The following SAMD12 variants were observed in gnomAD, a reference collection of about 807,000 sequenced individuals.
SAMD12 encodes sterile alpha motif domain-containing protein 12.
SAMD12 carries 9 observed loss-of-function variants against 15.0 expected under a neutral mutation model. The observed-to-expected ratio is 0.60, with a 90% CI of 0.36 to 1.05. SAMD12 has a LOEUF of 1.05. Among genes scored for constraint, SAMD12 ranks in the 50% least tolerant of loss-of-function variants. The probability of loss-of-function intolerance (pLI) is 0.01; values close to 1 mark genes in which losing one functional copy is unlikely to be tolerated. For missense variants in SAMD12, 230 were observed against 234.2 expected (o/e 0.98, Z 0.12); for synonymous variants, 86 against 90.1 (o/e 0.96, Z 0.25).
chr8:118,346,333 T>C (rs1817650292), intron 4 of SAMD12, among the ~76,000 whole-genome samples: 1 of 152,216 alleles, frequency 6.6e-6, no homozygotes, highest in Admixed American at 6.5e-5. Flanking sequence ...TCCAGGCTTA[T>C]CCTTCCCAAC....
At chr8:118,591,784 T>C (rs1410043231) in intron 1 of SAMD12, among the ~76,000 whole-genome samples, 1 of 152,094 alleles carries the variant, frequency 6.6e-6, no homozygotes, top group Non-Finnish European at 1.5e-5. Flanking sequence ...CCTCATAACA[T>C]AGTTTCCACT....
At chr8:118,572,418 A>G (rs540115066) in intron 2 of SAMD12, among the ~76,000 whole-genome samples, 1 of 152,248 alleles carries the variant, frequency 6.6e-6, no homozygotes, top group East Asian at 1.9e-4. Flanking sequence ...AAATGTGAGG[A>G]CATGAGATTT....
intron 4 of SAMD12, among the ~76,000 whole-genome samples, chr8:118,246,430 A>C (rs940462188): frequency 6.6e-6 from 1 of 152,184 alleles, no homozygotes. Context: ...GAACTGTGGA[A>C]ATCATTTTGA....
At chr8:118,512,976 G>T (rs1304608479) in intron 2 of SAMD12, among the ~76,000 whole-genome samples, 2 of 151,710 alleles carry the variant, frequency 1.3e-5, no homozygotes, top group Non-Finnish European at 2.9e-5. Context: ...GCCATACAAA[G>T]GTAAGTTACT....
chr8:118,234,710 C>CAAAAA (rs10647591), intron 4 of SAMD12, among the ~76,000 whole-genome samples: 15 of 105,576 alleles, frequency 1.4e-4, no homozygotes, highest in South Asian at 3.5e-4. Context: ...GACTCCATCT[C>CAAAAA]AAAAAAAAAA....
At chr8:118,330,683 G>A (rs1816767450) in intron 4 of SAMD12, among the ~76,000 whole-genome samples, 1 of 152,160 alleles carries the variant, frequency 6.6e-6, no homozygotes, top group Non-Finnish European at 1.5e-5. Context: ...CTTAAAAAAG[G>A]AATATAAGTA....
intron 2 of SAMD12, among the ~76,000 whole-genome samples, chr8:118,454,161 C>A (rs2130921828): frequency 6.6e-6 from 1 of 152,252 alleles, no homozygotes; most frequent in South Asian, 2.1e-4. Context: ...CATTCTCAGT[C>A]CCTGCATGTC....
At chr8:118,588,101 G>T (rs1196604738) in intron 1 of SAMD12, among the ~76,000 whole-genome samples, 1 of 152,186 alleles carries the variant, frequency 6.6e-6, no homozygotes, top group Non-Finnish European at 1.5e-5. Context: ...ACACTCTGAA[G>T]ACCTGAGGAT....
At chr8:118,289,951 T>C (rs552904771) in intron 4 of SAMD12, among the ~76,000 whole-genome samples, 1 of 152,288 alleles carries the variant, frequency 6.6e-6, no homozygotes, top group African/African-American at 2.4e-5. Context: ...TTTACAAAAT[T>C]ATTCATTCAA....
chr8:118,449,062 C>CTTT (rs10717740), intron 2 of SAMD12, among the ~76,000 whole-genome samples: 32 of 126,804 alleles, frequency 2.5e-4, no homozygotes, highest in Admixed American at 2.4e-3. Context: ...CACAGGCAGT[C>CTTT]TTTTTTTTTT....
At chr8:118,433,102 G>C (rs1384467872) in intron 3 of SAMD12, among the ~76,000 whole-genome samples, 1 of 152,160 alleles carries the variant, frequency 6.6e-6, no homozygotes, top group Non-Finnish European at 1.5e-5. Context: ...TTCCCTTGTG[G>C]AGGGACTTCC....
intron 4 of SAMD12, among the ~76,000 whole-genome samples, chr8:118,368,170 G>A (rs921350496): frequency 2.0e-5 from 3 of 152,162 alleles, no homozygotes; most frequent in Non-Finnish European, 4.4e-5. Context: ...GCAAGGGTGC[G>A]AAGATTTTGA....
chr8:118,621,594 C>T, intron 1 of SAMD12: 3 of 615,570 alleles, frequency 4.9e-6, no homozygotes, highest in Non-Finnish European at 8.8e-6. Context: ...GTCCTACGCA[C>T]CTACCCTTCA....
At chr8:118,336,457 C>T (rs1305627314) in intron 4 of SAMD12, among the ~76,000 whole-genome samples, 1 of 152,094 alleles carries the variant, frequency 6.6e-6, no homozygotes, top group South Asian at 2.1e-4. Context: ...TCAGGAATTC[C>T]ACCCATACTG....
intron 4 of SAMD12, among the ~76,000 whole-genome samples, chr8:118,311,338 T>C (rs1445150503): frequency 3.3e-5 from 5 of 152,248 alleles, no homozygotes; most frequent in Non-Finnish European, 7.3e-5. Context: ...ACTACCTTTT[T>C]TTATGAATAA....
intron 3 of SAMD12, among the ~76,000 whole-genome samples, chr8:118,426,051 G>A (rs573543201): frequency 6.6e-6 from 1 of 152,136 alleles, no homozygotes; most frequent in Admixed American, 6.5e-5. Context: ...CTGACATCAC[G>A]ATGCCATGCT....
intron 4 of SAMD12, among the ~76,000 whole-genome samples, chr8:118,312,793 A>G (rs1815695889): frequency 6.6e-6 from 1 of 152,232 alleles, no homozygotes; most frequent in Non-Finnish European, 1.5e-5. Flanking sequence ...CCAAGTAAGA[A>G]TCATCTAGTA....
intron 2 of SAMD12, among the ~76,000 whole-genome samples, chr8:118,566,687 A>G (rs1330591227): frequency 6.6e-6 from 1 of 152,212 alleles, no homozygotes; most frequent in Non-Finnish European, 1.5e-5. Context: ...ATGAGTGAAG[A>G]GCACTAGACA....
At chr8:118,427,935 C>G (rs1006264169) in intron 3 of SAMD12, among the ~76,000 whole-genome samples, 1 of 152,172 alleles carries the variant, frequency 6.6e-6, no homozygotes, top group African/African-American at 2.4e-5. Context: ...CGCAGCAACA[C>G]TGGGTATGGC....
Sources: allele counts gnomAD v4.1 joint callset (sites outside exome capture counted in the v4.1 genomes callset), GRCh38; gene constraint gnomAD v4.1.1; transcripts MANE v1.5; gene names NCBI Gene and HGNC (gene_info 2026-07-23, HGNC 2026-07-21).